NTMT1: variants seen among roughly 807,000 people sequenced by gnomAD.
NTMT1 encodes N-terminal Xaa-Pro-Lys N-methyltransferase 1.
Under a neutral mutation model 17.5 loss-of-function variants are expected in NTMT1, and 8 were observed. That is an observed-to-expected ratio of 0.46 (90% CI 0.27 to 0.82). The LOEUF is 0.82. NTMT1 is among the 40% of genes least tolerant of loss of function. The pLI is 0.15. For missense variants in NTMT1, 221 were observed against 303.5 expected (o/e 0.73, Z 2.02); for synonymous variants, 128 against 126.8 (o/e 1.01, Z -0.06).
At chr9:129,634,351 C>A in intron 3 of NTMT1, 45 bp downstream of exon 3, 1 of 1,548,872 alleles carries the variant, frequency 6.5e-7, no homozygotes, top group Non-Finnish European at 8.7e-7. Flanking sequence ...ATGTCTCCTG[C>A]CACTCGCGTT....
Position 129,635,606 on chromosome 9 carries a change from G to A in NTMT1, c.*142G>A, listed in dbSNP as rs891169556. ...GCTGTCTGCCGTCCACTCATTATGC[G>A]GGCTCTTCTTCAAAAGGCAAGGTGG... On this transcript the variant is annotated 3_prime_UTR_variant, in exon 4 of 4. Transcript: ENST00000372483. 16 of 1,076,268 alleles carry A rather than the reference G, an allele frequency of 1.5e-5. No homozygotes were observed. The highest frequency in any genetic ancestry group is 1.1e-4 in the African/African-American group (7 of 63,412). 66.7% of individuals were successfully genotyped at this position (1,076,268 alleles called of 1,614,324 possible).
intron 1 of NTMT1, among the ~76,000 whole-genome samples, chr9:129,615,259 C>T (rs971856568): frequency 2.0e-5 from 3 of 152,186 alleles, no homozygotes; most frequent in Non-Finnish European, 4.4e-5. Context: ...CAAGGTGCTG[C>T]CTGCGTTGGA....
At chr9:129,616,546 A>G (rs954118920) in intron 1 of NTMT1, among the ~76,000 whole-genome samples, 1 of 152,032 alleles carries the variant, frequency 6.6e-6, no homozygotes, top group Non-Finnish European at 1.5e-5. Context: ...GTAACTGTCT[A>G]TCTCAATCAT....
chr9:129,633,055 C>G, intron 2 of NTMT1, 190 bp downstream of exon 2: 1 of 578,838 alleles, frequency 1.7e-6, no homozygotes, highest in Non-Finnish European at 3.0e-6. Context: ...TGGACTTAGC[C>G]TCAGGGTTAC....
At position 129,613,548 on chromosome 9, in the gene NTMT1, G is replaced by A. The variant is rs566893379; in HGVS notation, c.-55+4370G>A. 1.5e-4 allele frequency: 242 copies of A among 1,614,152 alleles called. 1 individual carries two copies. The Middle Eastern group carries it at 3.8e-3, about 25-fold the overall frequency. On this transcript the variant is annotated intron_variant, in intron 1 of 3. Coordinates refer to the NTMT1 transcript ENST00000372486. The surrounding 1 kb of genome is among the most constrained non-coding windows in gnomAD (Gnocchi z 6.2). ...TTCCGACACTCCCAAACACCCGCTC[G>A]GACGCCACTGGCAGGGCGGCCTTCT... is the stretch of plus-strand genomic sequence containing the variant.
intron 1 of NTMT1, chr9:129,615,480 T>A: frequency 6.3e-7 from 1 of 1,583,394 alleles, no homozygotes; most frequent in Non-Finnish European, 8.6e-7. Context: ...TCCTGTCTGC[T>A]TACCTGAGCG....
At chr9:129,621,648 G>A (rs373696175), upstream of NTMT1, among the ~76,000 whole-genome samples, 6 of 152,302 alleles carry the variant, frequency 3.9e-5, no homozygotes, top group East Asian at 7.7e-4. Context: ...GATCACAGGC[G>A]TGAGTCCCCA....
intron 1 of NTMT1, among the ~76,000 whole-genome samples, chr9:129,617,382 A>G (rs1214112735): frequency 1.3e-5 from 2 of 152,236 alleles, no homozygotes; most frequent in Admixed American, 1.3e-4. Flanking sequence ...AGGCAAAGGC[A>G]TAACCCAGCT....
In NTMT1 at chr9:129,620,361, C is replaced by G. The variant is rs1564339442; in HGVS notation, c.-55+11183C>G. On this transcript the variant is annotated intron_variant, in intron 1 of 3. Transcript: ENST00000372486. This position sits in a 1 kb window ranked among gnomAD's most constrained non-coding sequence, Gnocchi z 5.8. ...AGGCGCGGCGGGAGGCGTCCGACGC[C>G]CACCCCGGGCTTGGCGTCCCCTTCC... The G allele has an allele frequency of 8.1e-7, 1 of 1,227,894 alleles. No homozygotes were observed. The highest frequency in any genetic ancestry group is 4.0e-5 in the South Asian group (1 of 25,214). The allele number at this position is 1,227,894 out of a possible 1,614,324, so 76.1% of individuals were successfully genotyped here. A position where few individuals can be genotyped will look rare whatever the true frequency, so the allele number is the denominator to read the frequency against.
rs771177325 is a variant in NTMT1, at chr9:129,635,264, C to T, written c.472C>T (p.Arg158Cys). 5 of 1,613,356 alleles carry T rather than the reference C, an allele frequency of 3.1e-6. No individual in the cohort carries two copies. The highest frequency in any genetic ancestry group is 2.5e-6 in the Non-Finnish European group (3 of 1,180,024). The change falls in exon 4 of 4, where the codon CGC (arginine) becomes TGC (cysteine). Residue 158 changes from arginine to cysteine, a missense_variant. Transcript: ENST00000372483. ...EFLRRCKGSL[R>C]PNGIIVIKDN... ...CCTGCGGCGCTGCAAGGGCAGCCTC[C>T]GCCCCAACGGCATCATCGTCATCAA...
At chr9:129,634,759 C>T (rs796232736) in intron 3 of NTMT1, 4 of 219,726 alleles carry the variant, frequency 1.8e-5, no homozygotes, top group Admixed American at 1.1e-4. Context: ...CCTCCTGAGG[C>T]GGGCAGCACA....
chr9:129,612,980 G>T, intron 1 of NTMT1: 1 of 1,225,384 alleles, frequency 8.2e-7, no homozygotes, highest in Admixed American at 2.3e-5. Context: ...AGCCCCCACG[G>T]TGACTTGGCT....
rs531243205 is a variant in NTMT1, at chr9:129,613,468, A to G, written c.-55+4290A>G. On this transcript the variant is annotated intron_variant, in intron 1 of 3. Transcript: ENST00000372486. The surrounding 1 kb of genome is among the most constrained non-coding windows in gnomAD (Gnocchi z 6.2). ...GCAGTCCCAACACGAGGAGCTGGCCAGGGTCTCCTCCTTGGCCCCAGGGTA... is the reference window on the plus strand; with the variant it reads ...GCAGTCCCAACACGAGGAGCTGGCCGGGGTCTCCTCCTTGGCCCCAGGGTA... 8.1e-6 allele frequency: 13 copies of G among 1,614,072 alleles called. No individual in the cohort carries two copies. The East Asian group carries it at 2.0e-4, about 25-fold the overall frequency.
chr9:129,632,796 T>TG lies in NTMT1; in HGVS notation c.99dup (p.Tyr34ValfsTer155). 1 of 1,613,936 alleles carries TG rather than the reference T, an allele frequency of 6.2e-7. No individual in the cohort carries two copies. Among genetic ancestry groups the TG allele is most frequent in the Non-Finnish European group, 8.5e-7 (1 of 1,179,948 alleles). ...TCCCACCCACGGTGGACGGCATGCT[T>TG]GGGGGGTATGGCCACATCTCCAGCA... On this transcript the variant is annotated frameshift_variant, in exon 2 of 4. Transcript: ENST00000372483. LOFTEE classifies it high-confidence loss of function.
chr9:129,633,983 G>C, intron 2 of NTMT1, 71 bp from the exon 3 acceptor site: 1 of 1,523,824 alleles, frequency 6.6e-7, no homozygotes, highest in Non-Finnish European at 8.9e-7. Flanking sequence ...CTAAGTCCTA[G>C]GGCTCGTGAG....
At chr9:129,621,621 G>A (rs1314480447), upstream of NTMT1, among the ~76,000 whole-genome samples, 4 of 152,170 alleles carry the variant, frequency 2.6e-5, no homozygotes, top group African/African-American at 7.2e-5. Context: ...ACTTGCCTTG[G>A]CCTCCCAAAG....
chr9:129,620,691 G>T lies in NTMT1; in HGVS notation c.-55+11513G>T. 1 of 998,256 alleles carries T rather than the reference G, an allele frequency of 1.0e-6. No individual in the cohort carries two copies. The highest frequency in any genetic ancestry group is 1.3e-6 in the Non-Finnish European group (1 of 775,294). The allele number at this position is 998,256 out of a possible 1,614,324, so 61.8% of individuals were successfully genotyped here. A position where few individuals can be genotyped will look rare whatever the true frequency, so the allele number is the denominator to read the frequency against. ...ATAGTGCCCCGGGCGGGGCAGCGCG[G>T]TGCGGGGTGAACGCCACCGGCCCGG... is the stretch of plus-strand genomic sequence containing the variant. On this transcript the variant is annotated intron_variant, in intron 1 of 3. Coordinates refer to the NTMT1 transcript ENST00000372486. This position sits in a 1 kb window ranked among gnomAD's most constrained non-coding sequence, Gnocchi z 5.8.
rs1830649599 is a variant in NTMT1, at chr9:129,620,572, C to T, written c.-55+11394C>T. On this transcript the variant is annotated intron_variant, in intron 1 of 3. Coordinates refer to the NTMT1 transcript ENST00000372486. The surrounding 1 kb of genome is among the most constrained non-coding windows in gnomAD (Gnocchi z 5.8). ...CCCCTGGGCGAAGTCGACGCCAGAACATGCTTGGCCCCGCACTCAGCTCAC... is the reference window on the plus strand; with the variant it reads ...CCCCTGGGCGAAGTCGACGCCAGAATATGCTTGGCCCCGCACTCAGCTCAC... 1.5e-6 allele frequency: 2 copies of T among 1,364,756 alleles called. No individual in the cohort carries two copies. Among genetic ancestry groups the T allele is most frequent in the Non-Finnish European group, 1.9e-6 (2 of 1,057,280 alleles). The allele number at this position is 1,364,756 out of a possible 1,614,324, so 84.5% of individuals were successfully genotyped here.
Position 129,621,034 on chromosome 9 carries a change from TG to T in NTMT1, c.-54-11612del, listed in dbSNP as rs111575753. On this transcript the variant is annotated intron_variant, in intron 1 of 3. Coordinates refer to the NTMT1 transcript ENST00000372486. ...TCCCTGGGGGCTCTGGTCTGCAGAA[TG>T]GGGATAATAGCAGCACCTGCCTCTC... Among the ~76,000 whole-genome samples the T allele has an allele frequency of 5.4e-3, 816 of 152,330 alleles. 11 individuals are homozygous for T. The highest frequency in any genetic ancestry group is 0.019 in the African/African-American group (770 of 41,572).
Sources: gnomAD v4.1 joint callset for allele counts (sites outside exome capture counted in the v4.1 genomes callset) on GRCh38, gnomAD v4.1.1 for gene constraint, Gnocchi (gnomAD v3.1) non-coding constraint, MANE v1.5 for transcripts, NCBI Gene and HGNC (gene_info 2026-07-23, HGNC 2026-07-21) for gene names.